SH3BP5: variants seen among roughly 807,000 people sequenced by gnomAD.
SH3BP5 encodes SH3 domain-binding protein 5.
SH3BP5 carries 22 observed loss-of-function variants against 43.3 expected under a neutral mutation model. That is an observed-to-expected ratio of 0.51 (90% CI 0.36 to 0.73). The LOEUF is 0.73. Ranked by LOEUF, SH3BP5 falls within the 30% of genes least tolerant of loss-of-function variation. The pLI is 0.00. For synonymous variants in SH3BP5, 255 were observed against 225.8 expected (o/e 1.13, Z -1.16); for missense variants, 529 against 586.9 (o/e 0.90, Z 1.02).
chr3:15,330,494 C>T lies in SH3BP5; in HGVS notation c.201+10G>A. 1.2e-6 allele frequency: 2 copies of T among 1,608,708 alleles called. No homozygotes were observed. Among genetic ancestry groups the T allele is most frequent in the Non-Finnish European group, 1.7e-6 (2 of 1,175,274 alleles). Reference sequence around the variant, plus strand: ...CACTTCACCAAGAACAGGAACTCAGCTCTCTGTACCTCAAGTTCAGTCTCC... The same window carrying T: ...CACTTCACCAAGAACAGGAACTCAGTTCTCTGTACCTCAAGTTCAGTCTCC... On this transcript the variant is annotated intron_variant, in intron 2 of 8. Coordinates refer to ENST00000383791, the MANE Select transcript of SH3BP5 (RefSeq NM_004844.5).
At chr3:15,272,356 C>T (rs1317533125) in intron 3 of SH3BP5, among the ~76,000 whole-genome samples, 2 of 152,120 alleles carry the variant, frequency 1.3e-5, no homozygotes, top group Admixed American at 1.3e-4. Flanking sequence ...TGTGACAGTG[C>T]CACAGCAGGA....
At chr3:15,262,032 G>T in intron 5 of SH3BP5, 127 bp downstream of exon 5, 1 of 1,059,124 alleles carries the variant, frequency 9.4e-7, no homozygotes, top group Non-Finnish European at 1.4e-6. Context: ...GGGGGCTCTG[G>T]TGAGGCCCCA....
At chr3:15,269,271 T>C (rs1375627579) in intron 4 of SH3BP5, among the ~76,000 whole-genome samples, 3 of 152,164 alleles carry the variant, frequency 2.0e-5, no homozygotes, top group Non-Finnish European at 2.9e-5. Flanking sequence ...TCTGGTCTAA[T>C]CCGCCATGAC....
At chr3:15,268,398 T>G (rs2125061685) in intron 4 of SH3BP5, among the ~76,000 whole-genome samples, 1 of 152,282 alleles carries the variant, frequency 6.6e-6, no homozygotes, top group African/African-American at 2.4e-5. Flanking sequence ...CACCAAGACC[T>G]CTTGCAACCC....
chr3:15,316,865 G>A (rs887112870), intron 2 of SH3BP5, among the ~76,000 whole-genome samples: 1 of 152,210 alleles, frequency 6.6e-6, no homozygotes, highest in African/African-American at 2.4e-5. Context: ...TAACAACCCT[G>A]CATGCACATA....
intron 3 of SH3BP5, among the ~76,000 whole-genome samples, chr3:15,288,023 G>A (rs1328762045): frequency 6.6e-6 from 1 of 152,176 alleles, no homozygotes; most frequent in African/African-American, 2.4e-5. Context: ...CAATTATGGA[G>A]GCTGGCAAGT....
intron 2 of SH3BP5, among the ~76,000 whole-genome samples, chr3:15,304,541 G>A (rs2125112135): frequency 6.6e-6 from 1 of 152,290 alleles, no homozygotes; most frequent in Admixed American, 6.5e-5. Context: ...CATCTCGGGT[G>A]TGGTAGCTCA....
chr3:15,308,249 AGACT>A (rs1483597497), intron 2 of SH3BP5, among the ~76,000 whole-genome samples: 1 of 152,226 alleles, frequency 6.6e-6, no homozygotes, highest in Non-Finnish European at 1.5e-5. Flanking sequence ...TACAGGGCAC[AGACT>A]GACTGACTGC....
intron 2 of SH3BP5, among the ~76,000 whole-genome samples, chr3:15,319,509 C>T (rs981563007): frequency 6.6e-6 from 1 of 152,108 alleles, no homozygotes; most frequent in African/African-American, 2.4e-5. Context: ...TTGGCACTGC[C>T]CCAGGATCAA....
intron 3 of SH3BP5, among the ~76,000 whole-genome samples, chr3:15,290,819 C>A (rs542484298): frequency 1.3e-5 from 2 of 152,148 alleles, no homozygotes; most frequent in Non-Finnish European, 1.5e-5. Context: ...AAGGTAAACT[C>A]CCCCCATGCC....
intron 2 of SH3BP5, among the ~76,000 whole-genome samples, chr3:15,316,547 T>C (rs1698190649): frequency 6.6e-6 from 1 of 152,168 alleles, no homozygotes; most frequent in Admixed American, 6.5e-5. Context: ...TTCATCTTTT[T>C]TGTTGATGTT....
chr3:15,327,171 G>C (rs987470166), intron 2 of SH3BP5, among the ~76,000 whole-genome samples: 2 of 151,818 alleles, frequency 1.3e-5, no homozygotes, highest in Non-Finnish European at 2.9e-5. Flanking sequence ...GACGACACGA[G>C]ATCCGGAGTT....
chr3:15,336,437 C>G (rs142572337), upstream of SH3BP5, among the ~76,000 whole-genome samples: 1 of 152,060 alleles, frequency 6.6e-6, no homozygotes, highest in African/African-American at 2.4e-5. Flanking sequence ...GAAATTGACT[C>G]GGTGGACATT....
chr3:15,329,361 A>G (rs1386541191), intron 2 of SH3BP5, among the ~76,000 whole-genome samples: 1 of 152,190 alleles, frequency 6.6e-6, no homozygotes, highest in African/African-American at 2.4e-5. Context: ...CAGTTACCCC[A>G]CATCACAGAC....
At position 15,256,250 on chromosome 3, in the gene SH3BP5, G is replaced by GGTT. The variant is rs768582614; in HGVS notation, c.1201_1203dup (p.Asn401dup). On this transcript the variant is annotated inframe_insertion, in exon 9 of 9. Coordinates refer to ENST00000383791, the MANE Select transcript of SH3BP5 (RefSeq NM_004844.5). ...CTGCCACTGCTACTGCTGAGGCCCC[G>GGTT]GTTGTTGTTGGCTTTGTCACTTGTT... 1 of 1,614,144 alleles carries GGTT rather than the reference G, an allele frequency of 6.2e-7. No homozygotes were observed. The highest frequency in any genetic ancestry group is 8.5e-7 in the Non-Finnish European group (1 of 1,180,032).
chr3:15,341,104 G>A (rs1247041537), intron 1 of SH3BP5: 1 of 152,112 alleles, frequency 6.6e-6, no homozygotes, highest in Non-Finnish European at 1.5e-5. Flanking sequence ...ATTATAAAAA[G>A]GCTGCTATAA....
intron 3 of SH3BP5, among the ~76,000 whole-genome samples, chr3:15,294,481 C>T (rs2125098840): frequency 6.6e-6 from 1 of 152,210 alleles, no homozygotes; most frequent in East Asian, 1.9e-4. Context: ...ACCGCCATAC[C>T]ACTGACTCCC....
chr3:15,332,347 C>A lies in SH3BP5; in HGVS notation c.62G>T (p.Arg21Leu). The A allele has an allele frequency of 6.5e-7, 1 of 1,542,534 alleles. No individual in the cohort carries two copies. The highest frequency in any genetic ancestry group is 2.4e-5 in the East Asian group (1 of 41,098). The change falls in exon 1 of 9, where the codon CGG (arginine) becomes CTG (leucine). Residue 21 changes from arginine (R) to leucine (L), a missense_variant. This residue lies in a region of SH3BP5 where 75 missense variants were observed against 61.8 expected (regional missense o/e 1.21). Coordinates refer to ENST00000383791, the MANE Select transcript of SH3BP5 (RefSeq NM_004844.5). ...CTCTTCCTCCTCCTCCTCCTCGTCC[C>A]GGGCAGGCGGCAGGATTTCGGCTGG... ...EEPAEILPPA[R>L]DEEEEEEEGM...
rs929263209 is a variant in SH3BP5 at position 15,276,318 on chromosome 3, A to T, written c.331-6441T>A. On this transcript the variant is annotated intron_variant, in intron 3 of 8. Transcript: ENST00000383791. ...GGGAGTTTACAGACCTCCCAGTTCA[A>T]GCCCCTCATTTTTCAAAGGAGAGCC... Among the ~76,000 whole-genome samples the T allele has an allele frequency of 6.6e-5, 10 of 152,312 alleles. No homozygotes were observed. In the East Asian group the frequency reaches 1.9e-3, roughly 29 times the overall value.
Sources: gnomAD v4.1 joint callset for allele counts (sites outside exome capture counted in the v4.1 genomes callset) on GRCh38, gnomAD v4.1.1 for gene constraint, gnomAD v4.1.1 regional missense constraint, MANE v1.5 for transcripts, NCBI Gene and HGNC (gene_info 2026-07-23, HGNC 2026-07-21) for gene names.